Variants in IL1RN observed in about 807,000 individuals in gnomAD.
IL1RN encodes the protein interleukin-1 receptor antagonist protein.
Under a neutral mutation model 13.7 loss-of-function variants are expected in IL1RN, and 10 were observed. The observed-to-expected ratio is 0.73, with a 90% CI of 0.45 to 1.24. The LOEUF (loss-of-function observed/expected upper bound fraction) is 1.24, where lower values mean the gene tolerates loss of function less well. Among genes scored for constraint, IL1RN ranks in the 50% most tolerant of loss-of-function variants. The pLI, the probability that IL1RN is intolerant of heterozygous loss-of-function variation, is 0.00. For synonymous variants in IL1RN, 102 were observed against 82.7 expected, an observed-to-expected ratio of 1.23 and a Z score of -1.27; for missense variants, 213 against 222.1, an observed-to-expected ratio of 0.96 and a Z score of 0.26.
chr2:113,120,633 C>G (rs1241118384), intron 2 of IL1RN, among the ~76,000 whole-genome samples: 2 of 152,150 alleles, frequency 1.3e-5, no homozygotes, highest in South Asian at 2.1e-4. Flanking sequence ...GTTGGTCACT[C>G]TAGTCCATAA....
chr2:113,132,491 C>T (rs778354443), intron 3 of IL1RN, among the ~76,000 whole-genome samples, 165 bp from the exon 4 acceptor site: 2 of 152,152 alleles, frequency 1.3e-5, no homozygotes, highest in Non-Finnish European at 2.9e-5. Context: ...TCCCAGAGTC[C>T]CACAGAATGG....
upstream of IL1RN, among the ~76,000 whole-genome samples, chr2:113,125,506 G>C (rs1686924243): frequency 6.6e-6 from 1 of 152,226 alleles, no homozygotes; most frequent in African/African-American, 2.4e-5. Flanking sequence ...ACCCAGGGAG[G>C]TGACACAATT....
chr2:113,117,584 C>A (rs188362512), upstream of IL1RN: 1 of 216,734 alleles, frequency 4.6e-6, no homozygotes, highest in Admixed American at 5.2e-5. Context: ...GGAAGAGTGC[C>A]TGGCACACAG....
At chr2:113,099,986 G>C in the IL1RN span, among the ~76,000 whole-genome samples, 2 of 135,100 alleles carry the variant, frequency 1.5e-5, no homozygotes, top group African/African-American at 5.4e-5. Flanking sequence ...CGCCCGCCTC[G>C]GCCTCCCAAA....
At chr2:113,127,787 A>G in intron 1 of IL1RN, 47 bp downstream of exon 1, 1 of 1,589,080 alleles carries the variant, frequency 6.3e-7, no homozygotes, top group Non-Finnish European at 8.6e-7. Context: ...TCAGCTGGAG[A>G]CTGGAAACAT....
At chr2:113,126,760 C>CAG (rs911452841), upstream of IL1RN, among the ~76,000 whole-genome samples, 113 of 149,810 alleles carry the variant, frequency 7.5e-4, no homozygotes, top group African/African-American at 2.7e-3. Flanking sequence ...AGTGAAGAGA[C>CAG]AGAGGCTCAA....
At chr2:113,111,007 T>C (rs1398864032), upstream of IL1RN, 3 of 152,246 alleles carry the variant, frequency 2.0e-5, no homozygotes, top group African/African-American at 7.2e-5. Context: ...CCTCTGCCAG[T>C]TGGAGTAACC....
chr2:113,112,738 C>T (rs200642866), intron 1 of IL1RN, among the ~76,000 whole-genome samples: 29 of 152,268 alleles, frequency 1.9e-4, no homozygotes, highest in African/African-American at 6.3e-4. Flanking sequence ...CCTCTTTCAT[C>T]GTTGCATATA....
In IL1RN at chr2:113,131,209, C is replaced by T. The variant is rs771959806; in HGVS notation, c.318+52C>T. ...CACCCCAAAACCCAGTGGCTTGAAACAACCAAAATTTTTTCTTATGATTCT... is the reference window on the plus strand; with the variant it reads ...CACCCCAAAACCCAGTGGCTTGAAATAACCAAAATTTTTTCTTATGATTCT... On this transcript the variant is annotated intron_variant, in intron 3 of 3. Transcript: ENST00000409930. 3.4e-6 allele frequency: 4 copies of T among 1,178,078 alleles called. No individual in the cohort carries two copies. The Admixed American group carries it at 6.7e-5, about 20-fold the overall frequency. The allele number at this position is 1,178,078 out of a possible 1,614,324, so 73.0% of individuals were successfully genotyped here.
chr2:113,117,848 G>A (rs1008437119), upstream of IL1RN: 7 of 706,762 alleles, frequency 9.9e-6, no homozygotes, highest in African/African-American at 3.5e-5. Context: ...TGTGGGAGGG[G>A]AGGCTGGGCT....
At chr2:113,113,467 C>A (rs1686535679), upstream of IL1RN, among the ~76,000 whole-genome samples, 1 of 152,078 alleles carries the variant, frequency 6.6e-6, no homozygotes, top group Non-Finnish European at 1.5e-5. Flanking sequence ...TTCAGTTATA[C>A]AAGATAAATA....
upstream of IL1RN, among the ~76,000 whole-genome samples, chr2:113,116,841 G>A (rs927701148): frequency 6.6e-6 from 1 of 152,192 alleles, no homozygotes; most frequent in African/African-American, 2.4e-5. Context: ...TGTACTGCGT[G>A]TCATTCATGC....
intron 2 of IL1RN, chr2:113,120,142 A>C: frequency 6.2e-7 from 1 of 1,602,292 alleles, no homozygotes; most frequent in African/African-American, 1.3e-5. Flanking sequence ...AATTATTTTT[A>C]GGATCCAAGT....
At chr2:113,128,897 A>T (rs4252010) in intron 1 of IL1RN, among the ~76,000 whole-genome samples, 2,148 of 152,258 alleles carry the variant, frequency 0.014, 52 homozygotes, top group African/African-American at 0.049. Context: ...ACCCAGAATC[A>T]GGTCACTGGC....
At chr2:113,122,096 C>T (rs1686799216) in intron 2 of IL1RN, among the ~76,000 whole-genome samples, 4 of 152,254 alleles carry the variant, frequency 2.6e-5, no homozygotes, top group South Asian at 4.2e-4. Context: ...AAGTGTTGGC[C>T]GAAGCCACTA....
At chr2:113,102,862 ACTT>A (rs1686335208), upstream of IL1RN, among the ~76,000 whole-genome samples, 1 of 152,122 alleles carries the variant, frequency 6.6e-6, no homozygotes, top group South Asian at 2.1e-4. Context: ...GGCCATTTTC[ACTT>A]CTTTTGTGAT....
At chr2:113,117,783 T>A (rs533121819), upstream of IL1RN, 2 of 600,624 alleles carry the variant, frequency 3.3e-6, no homozygotes, top group East Asian at 5.5e-5. Flanking sequence ...CTGCTTGGCA[T>A]CAAGTCAGCC....
upstream of IL1RN, among the ~76,000 whole-genome samples, chr2:113,110,073 G>A (rs144631481): frequency 1.1e-3 from 173 of 152,216 alleles, no homozygotes; most frequent in Non-Finnish European, 1.9e-3. Context: ...CCTTCAAAAC[G>A]TGTTTAGATA....
chr2:113,119,696 C>A (rs956440682), intron 1 of IL1RN, among the ~76,000 whole-genome samples: 1 of 152,100 alleles, frequency 6.6e-6, no homozygotes, highest in East Asian at 1.9e-4. Flanking sequence ...TGGTTCATCC[C>A]AAAATATTTT....
Sources: allele counts gnomAD v4.1 joint callset (sites outside exome capture counted in the v4.1 genomes callset), GRCh38; gene constraint gnomAD v4.1.1; transcripts MANE v1.5; gene names NCBI Gene and HGNC (gene_info 2026-07-23, HGNC 2026-07-21).